Variants in PYGM observed in about 807,000 individuals in gnomAD.
PYGM encodes the protein glycogen phosphorylase, muscle form.
In PYGM, 81 loss-of-function variants were observed where a neutral mutation model predicts 99.3. The ratio of observed to expected loss-of-function variants is 0.82; its 90% CI spans 0.68 to 0.98. The LOEUF (loss-of-function observed/expected upper bound fraction) is 0.98. Ranked by LOEUF, PYGM falls within the 50% of genes least tolerant of loss-of-function variation. The pLI is 0.00. For missense variants in PYGM, 1,030 were observed against 1,158.1 expected, an observed-to-expected ratio of 0.89 and a Z score of 1.61; for synonymous variants, 436 against 451.5, an observed-to-expected ratio of 0.97 and a Z score of 0.44.
chr11:64,746,614 G>A lies in PYGM; in HGVS notation c.*45C>T. On this transcript the variant is annotated 3_prime_UTR_variant, in exon 20 of 20. Coordinates refer to ENST00000164139, the MANE Select transcript of PYGM (RefSeq NM_005609.4). ...ATGAGGTGCTGGGGCTGGCCCAAGA[G>A]AGTGTGACAGACTCAAGGGCTGGTT... is the stretch of plus-strand genomic sequence containing the variant. The A allele has an allele frequency of 3.7e-6, 6 of 1,612,750 alleles. No homozygotes were observed. Among genetic ancestry groups the A allele is most frequent in the Non-Finnish European group, 5.1e-6 (6 of 1,179,548 alleles).
At chr11:64,758,154 G>A (rs559766910) in intron 4 of PYGM, 92 bp downstream of exon 4, 7 of 1,459,796 alleles carry the variant, frequency 4.8e-6, no homozygotes, top group South Asian at 2.3e-5. Flanking sequence ...CAGAGCTTGC[G>A]GGGCTGTTTC....
chr11:64,754,184 G>T lies in PYGM; in HGVS notation c.1092+69C>A. ...CTTCACTCCATTCATATCCTCCCAC[G>T]CTCCCAAACTGGGAAGGGAACCCCG... On this transcript the variant is annotated intron_variant, in intron 9 of 19. Transcript: ENST00000164139. This position sits in a 1 kb window ranked among gnomAD's most constrained non-coding sequence, Gnocchi z 5.5. 6.3e-7 allele frequency: 1 copy of T among 1,576,664 alleles called. No individual in the cohort carries two copies. Among genetic ancestry groups the T allele is most frequent in the Non-Finnish European group, 8.7e-7 (1 of 1,146,826 alleles).
chr11:64,754,886 A>G lies in PYGM; in HGVS notation c.856-50T>C. 1 of 1,607,328 alleles carries G rather than the reference A, an allele frequency of 6.2e-7. No homozygotes were observed. Among genetic ancestry groups the G allele is most frequent in the Non-Finnish European group, 8.5e-7 (1 of 1,178,086 alleles). On this transcript the variant is annotated intron_variant, in intron 7 of 19. Transcript: ENST00000164139. The surrounding 1 kb of genome is among the most constrained non-coding windows in gnomAD (Gnocchi z 5.5). Reference sequence around the variant, plus strand: ...AGTCAGGGCGGTGGGGGCATGGCCTAAAGCTGCGGTGGGTGTGGCCAGGAG... The same window carrying G: ...AGTCAGGGCGGTGGGGGCATGGCCTGAAGCTGCGGTGGGTGTGGCCAGGAG...
At chr11:64,758,412 C>T (rs1214631208) in intron 3 of PYGM, 25 bp downstream of exon 3, 2 of 1,613,552 alleles carry the variant, frequency 1.2e-6, no homozygotes, top group Non-Finnish European at 1.7e-6. Flanking sequence ...CGGCCCACTC[C>T]ACCCTCACGG....
At chr11:64,760,122 C>T, upstream of PYGM, 1 of 675,762 alleles carries the variant, frequency 1.5e-6, no homozygotes, top group South Asian at 1.9e-5. Flanking sequence ...AGGTGAGCTC[C>T]ACTTGGGCCG....
chr11:64,747,292 A>T lies in PYGM; in HGVS notation c.2244T>A (p.Ser748Arg). Reference protein sequence around the residue: ...ELRQVIEQLSSGFFSPKQPDL... With the variant: ...ELRQVIEQLSRGFFSPKQPDL... ...CGGGCTGTTTGGGGGAGAAGAAGCCACTGCTCAGCTGCTCAATGACCTGCC... is the reference window on the plus strand; with the variant it reads ...CGGGCTGTTTGGGGGAGAAGAAGCCTCTGCTCAGCTGCTCAATGACCTGCC... Residue 748 changes from serine (S) to arginine (R), a missense_variant, in exon 18 of 20, where the codon AGT becomes AGA. Transcript: ENST00000164139. The T allele has an allele frequency of 6.2e-7, 1 of 1,614,224 alleles. No homozygotes were observed. The highest frequency in any genetic ancestry group is 8.5e-7 in the Non-Finnish European group (1 of 1,180,022).
chr11:64,746,931 G>T lies in PYGM; in HGVS notation c.2369C>A (p.Ala790Asp), dbSNP rs1326266879. ...CCCAGGACCCCTCACCTTGTACAAG[G>T]CGCTGACTTTCTCCTGGCATTTAAT... ...DYIKCQEKVS[A>D]LYKNPREWTR... is the part of the protein sequence containing the mutation. Residue 790 changes from alanine (A) to aspartate (D), a missense_variant, in exon 19 of 20, where the codon GCC (alanine) becomes GAC (aspartate). By Grantham distance (126) the Ala-to-Asp change is moderately radical. Transcript: ENST00000164139. The T allele has an allele frequency of 6.2e-7, 1 of 1,614,092 alleles. No homozygotes were observed. Among genetic ancestry groups the T allele is most frequent in the Non-Finnish European group, 8.5e-7 (1 of 1,180,058 alleles).
In PYGM at chr11:64,747,283, GA is replaced by G. The variant is rs1565531472; in HGVS notation, c.2252del (p.Phe751SerfsTer52). On this transcript the variant is annotated frameshift_variant, in exon 18 of 20. Transcript: ENST00000164139. LOFTEE classifies it high-confidence loss of function. ...TGAACAGGTCGGGCTGTTTGGGGGA[GA>G]AGAAGCCACTGCTCAGCTGCTCAAT... ...QVIEQLSSGF[F>X]SPKQPDLFKD... 1 of 1,614,198 alleles carries G rather than the reference GA, an allele frequency of 6.2e-7. No homozygotes were observed. Among genetic ancestry groups the G allele is most frequent in the Admixed American group, 1.7e-5 (1 of 60,032 alleles).
intron 17 of PYGM, chr11:64,748,660 A>G (rs1241082829): frequency 2.0e-5 from 3 of 152,238 alleles, no homozygotes; most frequent in Non-Finnish European, 4.4e-5. Flanking sequence ...AATTGATTAA[A>G]TAAGTTGTGA....
intron 17 of PYGM, among the ~76,000 whole-genome samples, chr11:64,749,501 G>T (rs1351770781): frequency 6.6e-6 from 1 of 151,812 alleles, no homozygotes; most frequent in Non-Finnish European, 1.5e-5. Context: ...AATTAGCCAG[G>T]CGTGGCAGCA....
rs1592404776 is a variant in PYGM, at chr11:64,746,826, G to T, written c.2380-18C>A. On this transcript the variant is annotated intron_variant, in intron 19 of 19. Coordinates refer to ENST00000164139, the MANE Select transcript of PYGM (RefSeq NM_005609.4). Reference sequence around the variant, plus strand: ...CTTGGGTTCTGCAGGTCAAAGGGAAGCTCTGGTTCACTCTGCTGGCAGGAT... The same window carrying T: ...CTTGGGTTCTGCAGGTCAAAGGGAATCTCTGGTTCACTCTGCTGGCAGGAT... The T allele has an allele frequency of 1.2e-6, 2 of 1,614,166 alleles. No individual in the cohort carries two copies. Among genetic ancestry groups the T allele is most frequent in the East Asian group, 2.2e-5 (1 of 44,882 alleles).
Position 64,755,686 on chromosome 11 carries a change from G to T in PYGM, c.661-128C>A. 1.4e-6 allele frequency: 1 copy of T among 734,044 alleles called. No individual in the cohort carries two copies. The highest frequency in any genetic ancestry group is 2.7e-5 in the East Asian group (1 of 36,970). The allele number at this position is 734,044 out of a possible 1,614,324, so 45.5% of individuals were successfully genotyped here. ...GCTCTTGTCCTTGTCTAGCATCGAT[G>T]AGCTGGGTAACCATGAGCAAACCCC... On this transcript the variant is annotated intron_variant, in intron 5 of 19. Coordinates refer to ENST00000164139, the MANE Select transcript of PYGM (RefSeq NM_005609.4). This position sits in a 1 kb window ranked among gnomAD's most constrained non-coding sequence, Gnocchi z 4.1.
Position 64,759,792 on chromosome 11 carries a change from A to G in PYGM, c.107T>C (p.Leu36Pro). ...GCGGTCCTTTACGAGTGTGAAATGC[A>G]GGTGCCGGTTGAAGTTCTTTTTCAG... ...TELKKNFNRH[L>P]HFTLVKDRNV... Residue 36 changes from leucine to proline, a missense_variant, in exon 1 of 20, where the codon CTG becomes CCG. By Grantham distance (98) the Leu-to-Pro change is moderately conservative (BLOSUM62 -3). Coordinates refer to ENST00000164139, the MANE Select transcript of PYGM (RefSeq NM_005609.4). The G allele has an allele frequency of 6.2e-7, 1 of 1,614,228 alleles. No homozygotes were observed. Among genetic ancestry groups the G allele is most frequent in the Non-Finnish European group, 8.5e-7 (1 of 1,180,036 alleles).
At position 64,754,206 on chromosome 11, in the gene PYGM, C is replaced by G. The variant is rs2058378716; in HGVS notation, c.1092+47G>C. The G allele has an allele frequency of 1.4e-5, 23 of 1,589,426 alleles. No individual in the cohort carries two copies. Among genetic ancestry groups the G allele is most frequent in the African/African-American group, 2.7e-5 (2 of 74,292 alleles). On this transcript the variant is annotated intron_variant, in intron 9 of 19. Coordinates refer to ENST00000164139, the MANE Select transcript of PYGM (RefSeq NM_005609.4). The surrounding 1 kb of genome is among the most constrained non-coding windows in gnomAD (Gnocchi z 5.5). ...CACGCTCCCAAACTGGGAAGGGAAC[C>G]CCGAGGCAGAGAGCATCAGATGGGG...
In PYGM at chr11:64,758,253, C is replaced by T. The variant is rs1555136375; in HGVS notation, c.521G>A (p.Gly174Asp). 3.7e-6 allele frequency: 6 copies of T among 1,612,490 alleles called. No homozygotes were observed. Among genetic ancestry groups the T allele is most frequent in the Admixed American group, 1.7e-5 (1 of 60,010 alleles). ...AGAGCCAAGGCTGCTCACCTGCCAG[C>T]CCCCGGAGATCTTCTGGTTAAAAAT... Reference protein sequence around the residue: ...FGIFNQKISGGWQMEEADDWL... With the variant: ...FGIFNQKISGDWQMEEADDWL... The change falls in exon 4 of 20, where the codon GGC (glycine) becomes GAC (aspartate). Residue 174 changes from glycine to aspartate, a missense_variant. Coordinates refer to ENST00000164139, the MANE Select transcript of PYGM (RefSeq NM_005609.4).
At position 64,752,991 on chromosome 11, in the gene PYGM, A is replaced by C. The variant is rs566268260; in HGVS notation, c.1518+82T>G. On this transcript the variant is annotated intron_variant, in intron 12 of 19. Transcript: ENST00000164139. The stretch of plus-strand genomic sequence containing the variant: ...AGCCTTCAGCTGGGAGCCCTGATGC[A>C]GTGAACCACCTACACGACCATACCC... The C allele has an allele frequency of 8.5e-6, 11 of 1,288,304 alleles. No homozygotes were observed. In the South Asian group the frequency reaches 1.1e-4, roughly 12 times the overall value. The allele number at this position is 1,288,304 out of a possible 1,614,324, so 79.8% of individuals were successfully genotyped here.
rs762326454 is a variant in PYGM at position 64,746,870 on chromosome 11, C to T, written c.2379+51G>A. ...GCAGGATCTCCACCTTCTGCCTCAT[C>T]CCAACCAGGGCCACCAAAGCCCTGC... On this transcript the variant is annotated intron_variant, in intron 19 of 19. Transcript: ENST00000164139. 46 of 1,614,062 alleles carry T rather than the reference C, an allele frequency of 2.8e-5. No individual in the cohort carries two copies. In the South Asian group the frequency reaches 4.1e-4, roughly 14 times the overall value.
intron 17 of PYGM, among the ~76,000 whole-genome samples, chr11:64,749,119 G>A (rs1592407212): frequency 6.6e-6 from 1 of 151,378 alleles, no homozygotes; most frequent in Non-Finnish European, 1.5e-5. Flanking sequence ...GGCCGAGGAG[G>A]GTGGATCACC....
Position 64,757,847 on chromosome 11 carries a change from T to G in PYGM, c.592A>C (p.Thr198Pro), listed in dbSNP as rs767808700. 5.6e-6 allele frequency: 9 copies of G among 1,614,128 alleles called. No homozygotes were observed. The highest frequency in any genetic ancestry group is 6.8e-6 in the Non-Finnish European group (8 of 1,180,026). Residue 198 changes from threonine (T) to proline (P), a missense_variant, in exon 5 of 20, where the codon ACG becomes CCG. Physicochemically the swap from Thr to Pro is conservative, Grantham distance 38 (BLOSUM62 -1). Transcript: ENST00000164139. ...NPWEKARPEF[T>P]LPVHFYGHVE... The stretch of plus-strand genomic sequence containing the variant: ...TGGCCGTAGAAGTGCACAGGTAGCG[T>G]GAACTCGGGCCGGGCCTTCTCCCAG...
Sources: gnomAD v4.1 joint callset for allele counts (sites outside exome capture counted in the v4.1 genomes callset) on GRCh38, gnomAD v4.1.1 for gene constraint, Gnocchi (gnomAD v3.1) non-coding constraint, MANE v1.5 for transcripts, NCBI Gene and HGNC (gene_info 2026-07-23, HGNC 2026-07-21) for gene names.